The following CDH13 variants were observed in gnomAD, a reference collection of about 807,000 sequenced individuals.
CDH13 encodes cadherin 13, also known as cadherin-13.
A neutral mutation model predicts 63.8 loss-of-function variants in CDH13; 24 were observed. That is an observed-to-expected ratio of 0.38 (90% CI 0.27 to 0.53). The LOEUF (loss-of-function observed/expected upper bound fraction) is 0.53. CDH13 is among the 20% of genes least tolerant of loss of function. CDH13 has a pLI of 0.85. For synonymous variants in CDH13, 503 were observed against 355.3 expected, an observed-to-expected ratio of 1.42 and a Z score of -4.67; for missense variants, 1,049 against 903.1, an observed-to-expected ratio of 1.16 and a Z score of -2.07.
At chr16:83,151,075 G>T (rs768973881) in intron 4 of CDH13, among the ~76,000 whole-genome samples, 1 of 152,126 alleles carries the variant, frequency 6.6e-6, no homozygotes, top group Non-Finnish European at 1.5e-5. Context: ...AATCAATCTT[G>T]TTCCCATACC....
chr16:82,666,205 G>T (rs1597262354), intron 1 of CDH13, among the ~76,000 whole-genome samples: 1 of 152,152 alleles, frequency 6.6e-6, no homozygotes, highest in East Asian at 1.9e-4. Flanking sequence ...TTATCCTTAG[G>T]TGTTTATTCA....
At chr16:82,719,354 C>G (rs150403422) in intron 1 of CDH13, 9 of 455,722 alleles carry the variant, frequency 2.0e-5, no homozygotes, top group South Asian at 1.1e-4. Flanking sequence ...TCTACATTTT[C>G]TTTGGAGTCA....
At chr16:83,558,413 T>C in intron 7 of CDH13, among the ~76,000 whole-genome samples, 1 of 152,240 alleles carries the variant, frequency 6.6e-6, no homozygotes, top group East Asian at 1.9e-4. Context: ...TAGATTTGTC[T>C]GTTATGTGCA....
intron 5 of CDH13, among the ~76,000 whole-genome samples, chr16:83,259,112 C>A (rs1355259184): frequency 6.6e-6 from 1 of 152,154 alleles, no homozygotes; most frequent in African/African-American, 2.4e-5. Context: ...GAGCAGGGAA[C>A]CTCCTGCTGC....
chr16:83,141,579 C>T (rs1315768689), intron 4 of CDH13, among the ~76,000 whole-genome samples: 1 of 152,120 alleles, frequency 6.6e-6, no homozygotes, highest in Non-Finnish European at 1.5e-5. Context: ...TATACATGTG[C>T]CATGGTGGCT....
At chr16:83,493,896 G>A (rs2074076122) in intron 7 of CDH13, among the ~76,000 whole-genome samples, 1 of 152,180 alleles carries the variant, frequency 6.6e-6, no homozygotes, top group Non-Finnish European at 1.5e-5. Flanking sequence ...GTTGGTTCTC[G>A]ACATTTCTAG....
intron 1 of CDH13, among the ~76,000 whole-genome samples, chr16:82,828,036 C>G (rs2038338702): frequency 2.0e-5 from 3 of 152,150 alleles, no homozygotes; most frequent in Non-Finnish European, 4.4e-5. Context: ...CAAACAGAGA[C>G]AGTTGGTCAT....
At chr16:83,145,307 G>C (rs1275758994) in intron 4 of CDH13, among the ~76,000 whole-genome samples, 5 of 152,144 alleles carry the variant, frequency 3.3e-5, no homozygotes, top group African/African-American at 1.2e-4. Flanking sequence ...GCAGCACTTA[G>C]TTCAATATTT....
Position 83,612,753 on chromosome 16 carries a change from A to C in CDH13, c.1101+10159A>C, listed in dbSNP as rs2150765678. On this transcript the variant is annotated intron_variant, in intron 8 of 13. Coordinates refer to ENST00000567109, the MANE Select transcript of CDH13 (RefSeq NM_001257.5). ...ACTTTTGGACTCTAACATCAAGTAGAATTTTTAGGACTTACTGGATAATCC... is the reference window on the plus strand; with the variant it reads ...ACTTTTGGACTCTAACATCAAGTAGCATTTTTAGGACTTACTGGATAATCC... 1.3e-5 allele frequency among the ~76,000 whole-genome samples: 2 copies of C among 152,216 alleles called. 1 individual carries two copies. The highest frequency in any genetic ancestry group is 4.1e-4 in the South Asian group (2 of 4,822).
chr16:83,456,073 C>A (rs999264952), intron 6 of CDH13, among the ~76,000 whole-genome samples: 5 of 152,240 alleles, frequency 3.3e-5, no homozygotes, highest in African/African-American at 1.2e-4. Flanking sequence ...CAATATCCAG[C>A]CCTGGCTTGC....
intron 6 of CDH13, among the ~76,000 whole-genome samples, chr16:83,360,364 A>G (rs1460427447): frequency 6.6e-6 from 1 of 152,224 alleles, no homozygotes; most frequent in African/African-American, 2.4e-5. Context: ...AGCAGGGCTC[A>G]ATATATGGGA....
chr16:83,753,483 C>T (rs1414741406), intron 11 of CDH13, among the ~76,000 whole-genome samples: 1 of 152,098 alleles, frequency 6.6e-6, no homozygotes, highest in Non-Finnish European at 1.5e-5. Context: ...TAGGTCAAGG[C>T]TGCAGTGAGC....
At chr16:83,650,321 G>A (rs748396753) in intron 8 of CDH13, among the ~76,000 whole-genome samples, 9 of 152,312 alleles carry the variant, frequency 5.9e-5, no homozygotes, top group East Asian at 1.9e-4. Flanking sequence ...AATAATTATA[G>A]TCTTTGGTTT....
chr16:82,705,719 T>C (rs1318040870), intron 1 of CDH13, among the ~76,000 whole-genome samples: 2 of 152,172 alleles, frequency 1.3e-5, no homozygotes, highest in Non-Finnish European at 2.9e-5. Flanking sequence ...AAATCAATAA[T>C]GCTTTAAGAA....
intron 2 of CDH13, among the ~76,000 whole-genome samples, chr16:82,982,141 C>G (rs984971988): frequency 6.6e-6 from 1 of 151,772 alleles, no homozygotes; most frequent in Non-Finnish European, 1.5e-5. Context: ...CTCAGTTTAC[C>G]CAACTATAAA....
At chr16:83,620,599 A>C (rs1167548414) in intron 8 of CDH13, among the ~76,000 whole-genome samples, 1 of 152,150 alleles carries the variant, frequency 6.6e-6, no homozygotes, top group African/African-American at 2.4e-5. Context: ...ACGTTTATGT[A>C]GTAAGTTTCA....
chr16:83,465,311 A>G (rs2073282034), intron 6 of CDH13, among the ~76,000 whole-genome samples: 1 of 152,232 alleles, frequency 6.6e-6, no homozygotes, highest in African/African-American at 2.4e-5. Flanking sequence ...TAACTGAGTG[A>G]GCTTCTAGAA....
intron 8 of CDH13, among the ~76,000 whole-genome samples, chr16:83,660,448 A>T: frequency 6.6e-6 from 1 of 152,186 alleles, no homozygotes; most frequent in East Asian, 1.9e-4. Context: ...CACTGATCTG[A>T]CAGGAGGTGG....
chr16:82,912,031 C>T (rs571583397), intron 2 of CDH13, among the ~76,000 whole-genome samples: 8 of 152,038 alleles, frequency 5.3e-5, no homozygotes, highest in Non-Finnish European at 1.2e-4. Flanking sequence ...GCCCTCAGAG[C>T]CCCAGCTCCC....
Sources: gnomAD v4.1 joint callset for allele counts (sites outside exome capture counted in the v4.1 genomes callset) on GRCh38, gnomAD v4.1.1 for gene constraint, MANE v1.5 for transcripts, NCBI Gene and HGNC (gene_info 2026-07-23, HGNC 2026-07-21) for gene names.